Variants in E2F7 observed in about 807,000 individuals in gnomAD.
E2F7 encodes the protein transcription factor E2F7.
E2F7 carries 35 observed loss-of-function variants against 81.1 expected under a neutral mutation model. That is an observed-to-expected ratio of 0.43 (90% confidence interval 0.33 to 0.57). The LOEUF is 0.57. Among genes scored for constraint, E2F7 ranks in the 20% least tolerant of loss-of-function variants. The pLI is 0.04. For synonymous variants in E2F7, 416 were observed against 416.2 expected, an observed-to-expected ratio of 1.00 and a Z score of 0.01; for missense variants, 961 against 1,093.7, an observed-to-expected ratio of 0.88 and a Z score of 1.71.
At chr12:77,057,008 T>A (rs1335453577) in intron 2 of E2F7, among the ~76,000 whole-genome samples, 1 of 151,720 alleles carries the variant, frequency 6.6e-6, no homozygotes, top group African/African-American at 2.4e-5. Context: ...CGCCTTAGCC[T>A]CCCAAGTAGC....
At chr12:77,061,903 T>C (rs1955081539) in intron 2 of E2F7, among the ~76,000 whole-genome samples, 1 of 152,254 alleles carries the variant, frequency 6.6e-6, no homozygotes, top group African/African-American at 2.4e-5. Context: ...TAGGTTGAGC[T>C]TCCTCATCCA....
Position 77,064,593 on chromosome 12 carries a change from T to C in E2F7, c.43A>G (p.Arg15Gly). Residue 15 changes from arginine to glycine, a missense_variant, in exon 2 of 13, where the codon AGG (arginine) becomes GGG (glycine). This residue lies in a region of E2F7 where 73 missense variants were observed against 68.4 expected (regional missense o/e 1.07). Coordinates refer to ENST00000322886, the MANE Select transcript of E2F7 (RefSeq NM_203394.3). ...ACTGCAAAATCTAGTCTGGGCTGCC[T>C]GGGGCTGATCAGGTCTTTTAGTGTT... ...CLTLKDLISP[R>G]QPRLDFAVED... 1 of 1,614,180 alleles carries C rather than the reference T, an allele frequency of 6.2e-7. No homozygotes were observed. The highest frequency in any genetic ancestry group is 8.5e-7 in the Non-Finnish European group (1 of 1,180,010).
Position 77,023,291 on chromosome 12 carries a change from T to C in E2F7, c.*724A>G, listed in dbSNP as rs1414315052. ...GCTAGAGTTCTAGAGTTCATCTTTG[T>C]TCTCAAGCCCACAGTCAGGGTTAGC... On this transcript the variant is annotated 3_prime_UTR_variant, in exon 13 of 13. Transcript: ENST00000322886. The C allele has an allele frequency of 5.2e-5, 8 of 152,684 alleles. No homozygotes were observed. The highest frequency in any genetic ancestry group is 4.6e-4 in the Admixed American group (7 of 15,288). The allele number at this position is 152,684 out of a possible 1,614,324, so 9.5% of individuals were successfully genotyped here. A position where few individuals can be genotyped will look rare whatever the true frequency, so the allele number is the denominator to read the frequency against.
chr12:77,028,091 GTTACCCA>G lies in E2F7; in HGVS notation c.1925_1931del (p.Met642ThrfsTer12). On this transcript the variant is annotated frameshift_variant, in exon 11 of 13. Transcript: ENST00000322886. LOFTEE classifies it high-confidence loss of function. The stretch of plus-strand genomic sequence containing the variant: ...TGTCTTTGAGGGGTATAGATGCCCT[GTTACCCA>G]TAGTCTTGGGAGAGGCAAGGTCTGT... 6.2e-7 allele frequency: 1 copy of G among 1,614,158 alleles called. No individual in the cohort carries two copies.
chr12:77,033,782 C>G, intron 8 of E2F7, 75 bp downstream of exon 8: 7 of 1,397,468 alleles, frequency 5.0e-6, no homozygotes, highest in Non-Finnish European at 6.6e-6. Context: ...AACGCCAGCA[C>G]GTGGGTGCTG....
intron 2 of E2F7, among the ~76,000 whole-genome samples, chr12:77,060,821 G>A (rs1565914907): frequency 6.6e-6 from 1 of 152,086 alleles, no homozygotes; most frequent in Non-Finnish European, 1.5e-5. Flanking sequence ...CACACTGAGG[G>A]TTTCCCCTGC....
At chr12:77,054,832 T>C (rs1376199642) in intron 3 of E2F7, among the ~76,000 whole-genome samples, 1 of 152,284 alleles carries the variant, frequency 6.6e-6, no homozygotes, top group East Asian at 1.9e-4. Context: ...TTTAATCTTA[T>C]TTAGTTTTTA....
rs1253381914 is a variant in E2F7 at position 77,033,966 on chromosome 12, A to G, written c.1200T>C (p.Cys400=). The change falls in exon 8 of 13, where the codon TGT becomes TGC. Residue 400 remains cysteine, a synonymous_variant. Coordinates refer to ENST00000322886, the MANE Select transcript of E2F7 (RefSeq NM_203394.3). ...KRETYGQIQV[C]AKQKLARHGS... The stretch of plus-strand genomic sequence containing the variant: ...CATGGCGAGCCAGCTTCTGTTTTGC[A>G]CAGACTTGAATCTGGCCATATGTTT... The G allele has an allele frequency of 1.9e-6, 3 of 1,614,116 alleles. No homozygotes were observed. The highest frequency in any genetic ancestry group is 2.5e-6 in the Non-Finnish European group (3 of 1,180,030).
rs977174764 is a variant in E2F7 at position 77,049,367 on chromosome 12, G to A, written c.538+1209C>T. The stretch of plus-strand genomic sequence containing the variant: ...TCTACTTCCTCTTCCTATAGAGATG[G>A]ACAGGACAGCTAGGGTATCAACATT... On this transcript the variant is annotated intron_variant, in intron 4 of 12. Coordinates refer to ENST00000322886, the MANE Select transcript of E2F7 (RefSeq NM_203394.3). 2.0e-5 allele frequency among the ~76,000 whole-genome samples: 3 copies of A among 152,092 alleles called. 1 individual carries two copies. The highest frequency in any genetic ancestry group is 2.0e-4 in the Admixed American group (3 of 15,280).
At position 77,046,213 on chromosome 12, in the gene E2F7, G is replaced by C. The variant is rs1392490982; in HGVS notation, c.654C>G (p.Thr218=). ...CTCCTAGTCTCTGGAGGTTCCTCAGGGTTTTTGGCAGGCTGTGCCGTCCAT... is the reference window on the plus strand; with the variant it reads ...CTCCTAGTCTCTGGAGGTTCCTCAGCGTTTTTGGCAGGCTGTGCCGTCCAT... The part of the protein sequence containing the change: ...GWHGRHSLPK[T]LRNLQRLGEE... Residue 218 remains threonine, a synonymous_variant, in exon 5 of 13, where the codon ACC becomes ACG. Transcript: ENST00000322886. 11 of 1,614,062 alleles carry C rather than the reference G, an allele frequency of 6.8e-6. No individual in the cohort carries two copies. Among genetic ancestry groups the C allele is most frequent in the Non-Finnish European group, 8.5e-6 (10 of 1,180,048 alleles).
intron 11 of E2F7, among the ~76,000 whole-genome samples, chr12:77,027,653 T>C (rs1954770595): frequency 6.6e-6 from 1 of 152,008 alleles, no homozygotes; most frequent in Non-Finnish European, 1.5e-5. Context: ...GTTTAATGTA[T>C]TTTTTTTGAA....
Position 77,044,722 on chromosome 12 carries a change from G to A in E2F7, c.903C>T (p.Ser301=). Residue 301 remains serine (S), a synonymous_variant, in exon 6 of 13, where the codon TCC becomes TCT. Transcript: ENST00000322886. ...CATCCAGAGTGACAATCTTGGTTTT[G>A]GAGACGAGGAACAGCATGACAAACT... ...SQKFVMLFLV[S]KTKIVTLDVA... is the part of the protein sequence containing the mutation. 3.7e-6 allele frequency: 6 copies of A among 1,614,070 alleles called. No homozygotes were observed. Among genetic ancestry groups the A allele is most frequent in the Non-Finnish European group, 5.1e-6 (6 of 1,180,010 alleles).
intron 2 of E2F7, among the ~76,000 whole-genome samples, 185 bp downstream of exon 2, chr12:77,064,358 G>A (rs1011142297): frequency 4.6e-5 from 7 of 152,166 alleles, no homozygotes; most frequent in Admixed American, 3.9e-4. Context: ...CACTATATCT[G>A]AGAGTAGAAT....
chr12:77,055,865 T>C lies in E2F7; in HGVS notation c.359A>G (p.Asp120Gly), dbSNP rs34237227. 5.0e-5 allele frequency: 81 copies of C among 1,609,534 alleles called. No homozygotes were observed. The African/African-American group carries it at 1.0e-3, about 20-fold the overall frequency. Residue 120 changes from aspartate (D) to glycine (G), a missense_variant, in exon 3 of 13, where the codon GAT (aspartate) becomes GGT (glycine). Asp to Gly is a moderately conservative substitution (Grantham distance 94). This residue lies in a region of E2F7 where 301 missense variants were observed against 405.0 expected (regional missense o/e 0.74). Transcript: ENST00000322886. ...PIENKDDAFT[D>G]SLQLDVVGDS... ...GCACAGTCTGTTTACCTGTAGAGAATCTGTAAATGCATCGTCCTTGTTTTC... is the reference window on the plus strand; with the variant it reads ...GCACAGTCTGTTTACCTGTAGAGAACCTGTAAATGCATCGTCCTTGTTTTC...
Position 77,065,518 on chromosome 12 carries a change from G to C in E2F7, c.-174C>G, listed in dbSNP as rs1346266906. 6.6e-6 allele frequency: 1 copy of C among 152,336 alleles called. No individual in the cohort carries two copies. The highest frequency in any genetic ancestry group is 1.5e-5 in the Non-Finnish European group (1 of 68,160). The allele number at this position is 152,336 out of a possible 1,614,324, so 9.4% of individuals were successfully genotyped here. On this transcript the variant is annotated 5_prime_UTR_variant, in exon 1 of 13. Transcript: ENST00000322886. ...CTGGCGGGGACCCCGCGGCGTCCGGGCAGCGCCAGCGCTCAGACCGGCCGA... is the reference window on the plus strand; with the variant it reads ...CTGGCGGGGACCCCGCGGCGTCCGGCCAGCGCCAGCGCTCAGACCGGCCGA...
At chr12:77,029,706 T>C (rs1475025462) in intron 10 of E2F7, 125 bp downstream of exon 10, 3 of 1,452,046 alleles carry the variant, frequency 2.1e-6, no homozygotes, top group African/African-American at 2.8e-5. Flanking sequence ...TGCTTAATTA[T>C]GCAAGTGACA....
At position 77,025,639 on chromosome 12, in the gene E2F7, C is replaced by T. The variant is rs561401903; in HGVS notation, c.2484G>A (p.Met828Ile). 1.2e-5 allele frequency: 20 copies of T among 1,614,188 alleles called. No individual in the cohort carries two copies. In the East Asian group the frequency reaches 4.0e-4, roughly 32 times the overall value. ...GTTGGACGACACTGTGTGACCTTGACATCACTGGACTTAGGTTTAGTGAGG... is the reference window on the plus strand; with the variant it reads ...GTTGGACGACACTGTGTGACCTTGATATCACTGGACTTAGGTTTAGTGAGG... ...SQPSLNLSPV[M>I]SRSHSVVQQP... The change falls in exon 12 of 13, where the codon ATG (methionine) becomes ATA (isoleucine). Residue 828 changes from methionine (M) to isoleucine (I), a missense_variant. By Grantham distance (10) the Met-to-Ile change is conservative (BLOSUM62 1). This residue lies in a region of E2F7 where 587 missense variants were observed against 620.3 expected (regional missense o/e 0.95). Coordinates refer to ENST00000322886, the MANE Select transcript of E2F7 (RefSeq NM_203394.3).
At chr12:77,058,809 G>C (rs186328326) in intron 2 of E2F7, among the ~76,000 whole-genome samples, 1 of 151,850 alleles carries the variant, frequency 6.6e-6, no homozygotes, top group Non-Finnish European at 1.5e-5. Flanking sequence ...CTGGCATTTC[G>C]AGCTAAATAT....
intron 2 of E2F7, among the ~76,000 whole-genome samples, chr12:77,057,653 G>A (rs934173867): frequency 1.1e-4 from 17 of 152,096 alleles, no homozygotes; most frequent in African/African-American, 4.1e-4. Flanking sequence ...CTAACGATGG[G>A]CCCATTGTAA....
Sources: allele counts gnomAD v4.1 joint callset (sites outside exome capture counted in the v4.1 genomes callset), GRCh38; gene constraint gnomAD v4.1.1; regional missense constraint gnomAD v4.1.1; transcripts MANE v1.5; gene names NCBI Gene and HGNC (gene_info 2026-07-23, HGNC 2026-07-21).